Variants in BCL6 observed in about 807,000 individuals in gnomAD.
The protein encoded by BCL6 is B-cell lymphoma 6 protein.
A neutral mutation model predicts 59.5 loss-of-function variants in BCL6; 7 were observed. The observed-to-expected ratio is 0.12, with a 90% CI of 0.07 to 0.22. BCL6 has a LOEUF of 0.22. Ranked by LOEUF, BCL6 falls within the 10% of genes least tolerant of loss-of-function variation. The pLI is 1.00. For missense variants in BCL6, 685 were observed against 939.4 expected (o/e 0.73, Z 3.54); for synonymous variants, 339 against 349.7 (o/e 0.97, Z 0.34).
intron 1 of BCL6, among the ~76,000 whole-genome samples, chr3:187,742,552 C>G (rs75302979): frequency 6.6e-6 from 1 of 152,048 alleles, no homozygotes; most frequent in Non-Finnish European, 1.5e-5. Context: ...GCCTTACTGT[C>G]ACTATCAACA....
Position 187,721,435 on chromosome 3 carries a change from G to C in BCL6, c.*1023C>G, listed in dbSNP as rs564704619. 4.3e-6 allele frequency: 1 copy of C among 231,536 alleles called. No individual in the cohort carries two copies. Among genetic ancestry groups the C allele is most frequent in the African/African-American group, 2.2e-5 (1 of 45,184 alleles). 14.3% of individuals were successfully genotyped at this position (231,536 alleles called of 1,614,324 possible). A position where few individuals can be genotyped will look rare whatever the true frequency, so the allele number is the denominator to read the frequency against. ...TTGTACAGCTATATTTTACAACGCG[G>C]TAATGCAGTTTAGACACAGCCAAAC... is the stretch of plus-strand genomic sequence containing the variant. On this transcript the variant is annotated 3_prime_UTR_variant, in exon 10 of 10. Coordinates refer to ENST00000406870, the MANE Select transcript of BCL6 (RefSeq NM_001706.5). This position sits in a 1 kb window ranked among gnomAD's most constrained non-coding sequence, Gnocchi z 4.2.
At chr3:187,733,725 C>T (rs751342724) in intron 2 of BCL6, 22 bp from the exon 3 acceptor site, 1 of 1,601,032 alleles carries the variant, frequency 6.2e-7, no homozygotes, top group South Asian at 1.1e-5. Flanking sequence ...AGGCCAAAAT[C>T]CTGTTAGTCC....
At chr3:187,728,303 A>G in intron 6 of BCL6, 57 bp downstream of exon 6, 6 of 1,471,080 alleles carry the variant, frequency 4.1e-6, no homozygotes, top group South Asian at 1.3e-5. Flanking sequence ...CACAAAACCT[A>G]TGGAGCAGAG....
rs201059480 is a variant in BCL6 at position 187,728,484 on chromosome 3, G to T, written c.1416C>A (p.Pro472=). Residue 472 remains proline (P), a synonymous_variant, in exon 6 of 10, where the codon CCC becomes CCA. Coordinates refer to ENST00000406870, the MANE Select transcript of BCL6 (RefSeq NM_001706.5). ...SESHSPLYMH[P]PKCTSCGSQS... is the part of the protein sequence containing the mutation. ...GAGAGCCGCAGGACGTGCACTTCGG[G>T]GGGTGCATGTAGAGTGGTGAGTGGC... The T allele has an allele frequency of 6.1e-5, 99 of 1,611,990 alleles. 1 individual carries two copies. The South Asian group carries it at 8.9e-4, about 15-fold the overall frequency.
In BCL6 at chr3:187,725,684, G is replaced by C; in HGVS notation, c.1709-55C>G. 1 of 1,602,112 alleles carries C rather than the reference G, an allele frequency of 6.2e-7. No homozygotes were observed. The highest frequency in any genetic ancestry group is 8.5e-7 in the Non-Finnish European group (1 of 1,172,896). On this transcript the variant is annotated intron_variant, in intron 7 of 9. Transcript: ENST00000406870. The surrounding 1 kb of genome is among the most constrained non-coding windows in gnomAD (Gnocchi z 4.7). ...GCCATATTCAATAAGGAAGGTCTCTGCAGTCCGTGGCTCCTGGATTTCTAA... is the reference window on the plus strand; with the variant it reads ...GCCATATTCAATAAGGAAGGTCTCTCCAGTCCGTGGCTCCTGGATTTCTAA...
chr3:187,733,950 AT>A (rs1719168051), intron 2 of BCL6: 1 of 506,152 alleles, frequency 2.0e-6, no homozygotes, highest in Non-Finnish European at 3.6e-6. Context: ...GGGAATGAAT[AT>A]TTGTTGAGTG....
At chr3:187,745,010 C>T (rs1279920616) in intron 1 of BCL6, among the ~76,000 whole-genome samples, 1 of 151,970 alleles carries the variant, frequency 6.6e-6, no homozygotes, top group Non-Finnish European at 1.5e-5. Context: ...CTGCTCCGGC[C>T]GCCCCCTAAT....
At chr3:187,733,489 C>T (rs368333662) in intron 3 of BCL6, 44 bp downstream of exon 3, 9 of 1,600,270 alleles carry the variant, frequency 5.6e-6, no homozygotes, top group Non-Finnish European at 7.7e-6. Flanking sequence ...CCAGCACCAT[C>T]ACCCCACTTT....
intron 1 of BCL6, among the ~76,000 whole-genome samples, chr3:187,740,230 T>TCA (rs892772933): frequency 2.0e-5 from 3 of 151,176 alleles, no homozygotes; most frequent in African/African-American, 7.3e-5. Flanking sequence ...CCCCACCCCC[T>TCA]CACACACACA....
At position 187,733,656 on chromosome 3, in the gene BCL6, C is replaced by T. The variant is rs2108471694; in HGVS notation, c.38G>A (p.Arg13His). The change falls in exon 3 of 10, where the codon CGC (arginine) becomes CAC (histidine). Residue 13 changes from arginine (R) to histidine (H), a missense_variant. By Grantham distance (29) the Arg-to-His change is conservative. Transcript: ENST00000406870. ...GTTGAGAAGAACATCACTGGCATGG[C>T]GGGTGAACTGGATACAGCTGTCAGC... ...SPADSCIQFTRHASDVLLNLN... is the reference protein window; with the variant it reads ...SPADSCIQFTHHASDVLLNLN... 6.2e-7 allele frequency: 1 copy of T among 1,614,084 alleles called. No homozygotes were observed. The highest frequency in any genetic ancestry group is 1.3e-5 in the African/African-American group (1 of 75,006).
intron 5 of BCL6, 151 bp downstream of exon 5, chr3:187,728,899 T>C (rs752505125): frequency 1.7e-5 from 19 of 1,138,310 alleles, no homozygotes; most frequent in Non-Finnish European, 2.3e-5. Flanking sequence ...TACTTAAGTG[T>C]AAAATACTTC....
chr3:187,734,170 A>G (rs975652592), intron 2 of BCL6, among the ~76,000 whole-genome samples: 2 of 152,158 alleles, frequency 1.3e-5, no homozygotes, highest in African/African-American at 4.8e-5. Flanking sequence ...TCTCCCGAGT[A>G]GCTGGGATTA....
At chr3:187,735,255 G>T (rs1298404110) in intron 1 of BCL6, among the ~76,000 whole-genome samples, 1 of 152,132 alleles carries the variant, frequency 6.6e-6, no homozygotes, top group East Asian at 1.9e-4. Flanking sequence ...TAAGAAAAAT[G>T]GTTCTGTCAA....
In BCL6 at chr3:187,733,708, A is replaced by G. The variant is rs200251410; in HGVS notation, c.-10-5T>C. ...GGCGAGGCCATTTTGTCTTCACTTGAAAAAAGAGGCCAAAATCCTGTTAGT... is the reference window on the plus strand; with the variant it reads ...GGCGAGGCCATTTTGTCTTCACTTGGAAAAAGAGGCCAAAATCCTGTTAGT... On this transcript the variant is annotated splice_polypyrimidine_tract_variant and splice_region_variant and intron_variant, in intron 2 of 9. Coordinates refer to ENST00000406870, the MANE Select transcript of BCL6 (RefSeq NM_001706.5). 5 of 1,613,772 alleles carry G rather than the reference A, an allele frequency of 3.1e-6. No individual in the cohort carries two copies. The East Asian group carries it at 8.9e-5, about 29-fold the overall frequency.
At chr3:187,744,502 G>T in intron 1 of BCL6, among the ~76,000 whole-genome samples, 1 of 152,202 alleles carries the variant, frequency 6.6e-6, no homozygotes, top group African/African-American at 2.4e-5. Context: ...AAAACACTCG[G>T]CTCTCATTAG....
At chr3:187,744,895 A>G (rs561675487) in intron 1 of BCL6, among the ~76,000 whole-genome samples, 5 of 152,252 alleles carry the variant, frequency 3.3e-5, no homozygotes, top group East Asian at 3.9e-4. Flanking sequence ...GTACGCAAGC[A>G]GCAGCAGAAA....
At position 187,743,531 on chromosome 3, in the gene BCL6, T is replaced by G. The variant is rs957113878; in HGVS notation, c.-50+1879A>C. ...CACAACACAGAGGGTCTTTTTTCAT[T>G]TTTTTAAAAAATCGGTTTGGTTGTG... On this transcript the variant is annotated intron_variant, in intron 1 of 9. Coordinates refer to ENST00000406870, the MANE Select transcript of BCL6 (RefSeq NM_001706.5). 9.2e-5 allele frequency among the ~76,000 whole-genome samples: 14 copies of G among 152,042 alleles called. No homozygotes were observed. In the East Asian group the frequency reaches 9.7e-4, roughly 11 times the overall value.
chr3:187,727,177 G>A (rs576314162), intron 6 of BCL6, among the ~76,000 whole-genome samples: 1 of 152,378 alleles, frequency 6.6e-6, no homozygotes, highest in East Asian at 1.9e-4. Context: ...GCCTGCGCCA[G>A]TTTGAGGAAA....
chr3:187,744,676 G>C (rs954231907), intron 1 of BCL6, among the ~76,000 whole-genome samples: 12 of 152,192 alleles, frequency 7.9e-5, no homozygotes. Flanking sequence ...GAGGCCGATG[G>C]AAGAGAGCCA....
Sources: gnomAD v4.1 joint callset for allele counts (sites outside exome capture counted in the v4.1 genomes callset) on GRCh38, gnomAD v4.1.1 for gene constraint, Gnocchi (gnomAD v3.1) non-coding constraint, MANE v1.5 for transcripts, NCBI Gene and HGNC (gene_info 2026-07-23, HGNC 2026-07-21) for gene names.